PBX1: variants seen among roughly 807,000 people sequenced by gnomAD.
PBX1 encodes pre-B-cell leukemia transcription factor 1.
A neutral mutation model predicts 53.4 loss-of-function variants in PBX1; 6 were observed. That is an observed-to-expected ratio of 0.11 (90% CI 0.06 to 0.22). The LOEUF is 0.22. Ranked by LOEUF, PBX1 falls within the 10% of genes least tolerant of loss-of-function variation. PBX1 has a pLI of 1.00. For missense variants in PBX1, 251 were observed against 551.4 expected, an observed-to-expected ratio of 0.46 and a Z score of 5.46; for synonymous variants, 204 against 212.3, an observed-to-expected ratio of 0.96 and a Z score of 0.34.
At chr1:164,801,927 A>G (rs1466102642) in intron 4 of PBX1, among the ~76,000 whole-genome samples, 2 of 152,230 alleles carry the variant, frequency 1.3e-5, no homozygotes, top group South Asian at 2.1e-4. Flanking sequence ...ATTCACATCA[A>G]TGCCTCCAGC....
At chr1:164,675,664 C>A (rs1661390744) in intron 2 of PBX1, among the ~76,000 whole-genome samples, 2 of 152,092 alleles carry the variant, frequency 1.3e-5, no homozygotes, top group Admixed American at 6.5e-5. Context: ...GCTACAAGAT[C>A]CTTTTACCAG....
chr1:164,819,901 A>T, intron 6 of PBX1, 171 bp from the exon 7 acceptor site: 1 of 576,244 alleles, frequency 1.7e-6, no homozygotes, highest in Admixed American at 3.1e-5. Context: ...TGCACCCTTT[A>T]TTGCTTGCTC....
intron 2 of PBX1, among the ~76,000 whole-genome samples, chr1:164,706,631 C>T (rs12760919): frequency 0.4 from 60,295 of 151,918 alleles, 13,874 homozygotes; most frequent in Middle Eastern, 0.55. Context: ...TATGCATAGC[C>T]CCTATTTGGT....
At chr1:164,564,388 A>G (rs1462304237) in intron 2 of PBX1, among the ~76,000 whole-genome samples, 1 of 152,104 alleles carries the variant, frequency 6.6e-6, no homozygotes, top group African/African-American at 2.4e-5. Context: ...ATATACATTG[A>G]TAGTTACACA....
At chr1:164,664,165 T>C (rs1262527276) in intron 2 of PBX1, among the ~76,000 whole-genome samples, 1 of 152,236 alleles carries the variant, frequency 6.6e-6, no homozygotes, top group Non-Finnish European at 1.5e-5. Context: ...ACTGAGGTCA[T>C]GGAGTTGAGA....
At chr1:164,563,360 C>T in intron 2 of PBX1, 49 bp downstream of exon 2, 1 of 1,197,568 alleles carries the variant, frequency 8.4e-7, no homozygotes, top group Middle Eastern at 2.0e-4. Context: ...CCAATTAAAT[C>T]ACTTAACCAG....
intron 2 of PBX1, among the ~76,000 whole-genome samples, chr1:164,729,223 C>T (rs776077583): frequency 6.6e-5 from 10 of 152,186 alleles, no homozygotes; most frequent in Non-Finnish European, 7.3e-5. Context: ...TAATCTTAGA[C>T]TGCCTGCATC....
chr1:164,564,414 G>A (rs990980960), intron 2 of PBX1, among the ~76,000 whole-genome samples: 4 of 152,066 alleles, frequency 2.6e-5, no homozygotes, highest in African/African-American at 9.7e-5. Context: ...AATGGGCGGG[G>A]GGAGAGGGCA....
chr1:164,762,029 T>TA (rs1666842040), intron 2 of PBX1, among the ~76,000 whole-genome samples: 4 of 152,324 alleles, frequency 2.6e-5, no homozygotes, highest in Admixed American at 6.5e-5. Context: ...AATATATATA[T>TA]TTTTTAATTT....
At chr1:164,811,149 A>G (rs1669589689) in intron 5 of PBX1, among the ~76,000 whole-genome samples, 1 of 152,208 alleles carries the variant, frequency 6.6e-6, no homozygotes, top group Non-Finnish European at 1.5e-5. Flanking sequence ...AATGTGGGAT[A>G]TAAAACTTTC....
At chr1:164,831,995 A>G (rs1484822464) in intron 8 of PBX1, among the ~76,000 whole-genome samples, 1 of 152,240 alleles carries the variant, frequency 6.6e-6, no homozygotes, top group African/African-American at 2.4e-5. Flanking sequence ...ACTTATATTC[A>G]CATTTCAATG....
chr1:164,691,218 T>C (rs145017561), intron 2 of PBX1, among the ~76,000 whole-genome samples: 413 of 151,992 alleles, frequency 2.7e-3, no homozygotes, highest in African/African-American at 9.4e-3. Context: ...TTTCGCCATG[T>C]TGGCCAACTG....
intron 2 of PBX1, among the ~76,000 whole-genome samples, chr1:164,576,263 G>A (rs1384701385): frequency 6.6e-6 from 1 of 152,202 alleles, no homozygotes; most frequent in African/African-American, 2.4e-5. Context: ...CTTGCTGTAA[G>A]ACGCTGCACA....
At chr1:164,625,190 A>G (rs1399769242) in intron 2 of PBX1, among the ~76,000 whole-genome samples, 2 of 152,208 alleles carry the variant, frequency 1.3e-5, no homozygotes, top group Admixed American at 6.5e-5. Flanking sequence ...GGCTTGCAGT[A>G]TCACACTTCA....
intron 2 of PBX1, among the ~76,000 whole-genome samples, chr1:164,681,662 C>T (rs1046984512): frequency 6.6e-6 from 1 of 152,128 alleles, no homozygotes; most frequent in African/African-American, 2.4e-5. Context: ...ACCCTAGACA[C>T]TGGGGCCTAC....
chr1:164,588,710 G>C (rs1655134927), intron 2 of PBX1, among the ~76,000 whole-genome samples: 1 of 151,834 alleles, frequency 6.6e-6, no homozygotes, highest in South Asian at 2.1e-4. Flanking sequence ...AGAGAGAGAG[G>C]CTGGAGGGGG....
chr1:164,596,091 A>G (rs942850531), intron 2 of PBX1, among the ~76,000 whole-genome samples: 24 of 90,250 alleles, frequency 2.7e-4, no homozygotes, highest in Non-Finnish European at 4.2e-5. Flanking sequence ...ATTGCCCTGC[A>G]GGTCCCCTCT....
chr1:164,712,023 C>A (rs938903457), intron 2 of PBX1, among the ~76,000 whole-genome samples: 1 of 148,996 alleles, frequency 6.7e-6, no homozygotes, highest in Non-Finnish European at 1.5e-5. Context: ...ACCTCAAACC[C>A]CCCCACCGTA....
intron 2 of PBX1, chr1:164,700,598 C>T: frequency 2.0e-6 from 2 of 985,318 alleles, no homozygotes; most frequent in Non-Finnish European, 2.4e-6. Flanking sequence ...ATCTTTATTA[C>T]CTCATGGTCT....
Sources: allele counts gnomAD v4.1 joint callset (sites outside exome capture counted in the v4.1 genomes callset), GRCh38; gene constraint gnomAD v4.1.1; transcripts MANE v1.5; gene names NCBI Gene and HGNC (gene_info 2026-07-23, HGNC 2026-07-21).